The following ARHGAP24 variants were observed in gnomAD, a reference collection of about 807,000 sequenced individuals.
ARHGAP24 encodes the protein Rho GTPase activating protein 24.
A neutral mutation model predicts 76.4 loss-of-function variants in ARHGAP24; 50 were observed. The ratio of observed to expected loss-of-function variants is 0.65; its 90% confidence interval spans 0.52 to 0.83. The LOEUF is 0.83. Among genes scored for constraint, ARHGAP24 ranks in the 40% least tolerant of loss-of-function variants. The pLI is 0.00. For synonymous variants in ARHGAP24, 345 were observed against 323.3 expected, an observed-to-expected ratio of 1.07 and a Z score of -0.72; for missense variants, 930 against 914.2, an observed-to-expected ratio of 1.02 and a Z score of -0.22.
intron 2 of ARHGAP24, among the ~76,000 whole-genome samples, chr4:85,663,125 C>T (rs1470479355): frequency 4.0e-5 from 6 of 151,562 alleles, no homozygotes; most frequent in South Asian, 2.1e-4. Flanking sequence ...GCCATTTTCA[C>T]GATATTGATT....
chr4:85,723,834 A>G (rs1481452179), intron 3 of ARHGAP24: 1 of 152,190 alleles, frequency 6.6e-6, no homozygotes, highest in Admixed American at 6.5e-5. Context: ...TGACATCAGG[A>G]TGGCATTTCT....
At chr4:85,626,166 T>C (rs1386683554) in intron 2 of ARHGAP24, among the ~76,000 whole-genome samples, 5 of 152,198 alleles carry the variant, frequency 3.3e-5, no homozygotes, top group African/African-American at 9.6e-5. Flanking sequence ...TTCCTAGCCT[T>C]GATGGTCTTT....
At chr4:85,895,988 G>A (rs1458106398) in intron 3 of ARHGAP24, among the ~76,000 whole-genome samples, 2 of 152,112 alleles carry the variant, frequency 1.3e-5, no homozygotes, top group Admixed American at 6.5e-5. Context: ...ATGGTAGAGG[G>A]TACTTCGCCA....
chr4:85,635,151 GTTC>G (rs1414748502), intron 2 of ARHGAP24, among the ~76,000 whole-genome samples: 2 of 151,804 alleles, frequency 1.3e-5, no homozygotes, highest in Non-Finnish European at 3.0e-5. Context: ...TAAATCACCA[GTTC>G]TTCTTCTCTT....
chr4:85,853,629 A>G (rs1044264566), intron 3 of ARHGAP24, among the ~76,000 whole-genome samples: 1 of 152,128 alleles, frequency 6.6e-6, no homozygotes, highest in African/African-American at 2.4e-5. Flanking sequence ...AATGAATAGT[A>G]TTAAAAGAAA....
intron 2 of ARHGAP24, among the ~76,000 whole-genome samples, chr4:85,650,256 G>C (rs1355011670): frequency 1.4e-5 from 2 of 144,392 alleles, no homozygotes; most frequent in African/African-American, 5.8e-5. Flanking sequence ...CAGGTCTTGG[G>C]CAAAACTTTA....
intron 1 of ARHGAP24, among the ~76,000 whole-genome samples, chr4:85,505,770 G>A (rs1442071836): frequency 6.6e-6 from 1 of 152,118 alleles, no homozygotes; most frequent in African/African-American, 2.4e-5. Context: ...TTCCATTGCA[G>A]GTGAGGAGCT....
At chr4:85,674,771 A>T (rs1290098041) in intron 2 of ARHGAP24, among the ~76,000 whole-genome samples, 3 of 152,234 alleles carry the variant, frequency 2.0e-5, no homozygotes, top group Non-Finnish European at 4.4e-5. Flanking sequence ...TAAACCTTGA[A>T]CTAATTATTC....
chr4:85,524,907 C>CAAAT (rs1430782732), intron 1 of ARHGAP24, among the ~76,000 whole-genome samples: 2 of 152,104 alleles, frequency 1.3e-5, no homozygotes, highest in African/African-American at 4.8e-5. Context: ...TAAAACCCAA[C>CAAAT]AAATGGGAGA....
chr4:85,923,823 A>T lies in ARHGAP24; in HGVS notation c.391+53A>T, dbSNP rs1735869583. ...ACAGAAAGGTAGACCAAACCTGTTC[A>T]TCCCTTTCCCCCAGCGAATGTTACT... On this transcript the variant is annotated intron_variant, in intron 4 of 9. Coordinates refer to ENST00000395184, the MANE Select transcript of ARHGAP24 (RefSeq NM_001025616.3). 3 of 1,612,608 alleles carry T rather than the reference A, an allele frequency of 1.9e-6. No homozygotes were observed. In the African/African-American group the frequency reaches 4.0e-5, roughly 21 times the overall value.
rs187142675 is a variant in ARHGAP24, at chr4:85,980,355, A to G, written c.928+2664A>G. The stretch of plus-strand genomic sequence containing the variant: ...AATTATAACTACAGGGTTTTTATTT[A>G]TTCCTTTCTCTTTACAGTTTTATTC... On this transcript the variant is annotated intron_variant, in intron 8 of 9. Transcript: ENST00000395184. 8.5e-5 allele frequency among the ~76,000 whole-genome samples: 13 copies of G among 152,324 alleles called. No homozygotes were observed. The East Asian group carries it at 2.5e-3, about 29-fold the overall frequency.
intron 3 of ARHGAP24, among the ~76,000 whole-genome samples, chr4:85,900,571 C>G (rs528572153): frequency 5.3e-5 from 8 of 151,810 alleles, no homozygotes; most frequent in Admixed American, 4.6e-4. Context: ...ATTACAGGCA[C>G]GTGCCACCAT....
Position 85,668,594 on chromosome 4 carries a change from T to C in ARHGAP24, c.181-53291T>C, listed in dbSNP as rs145802955. On this transcript the variant is annotated intron_variant, in intron 2 of 9. Transcript: ENST00000395184. ...TTTACTCTGGAATCAAAAGATGAGA[T>C]GGAGTTAGGCAAAGAGGGAGAGAAG... Among the ~76,000 whole-genome samples the C allele has an allele frequency of 1.5e-3, 225 of 152,264 alleles. 1 individual carries two copies. Among genetic ancestry groups the C allele is most frequent in the African/African-American group, 5.0e-3 (206 of 41,560 alleles).
At chr4:85,561,089 T>C (rs946272855) in intron 1 of ARHGAP24, among the ~76,000 whole-genome samples, 5 of 152,324 alleles carry the variant, frequency 3.3e-5, no homozygotes, top group South Asian at 2.1e-4. Context: ...AGGGAGTCTA[T>C]TGTGGTGTAG....
intron 3 of ARHGAP24, among the ~76,000 whole-genome samples, chr4:85,851,365 T>C (rs1006512514): frequency 6.6e-6 from 1 of 152,228 alleles, no homozygotes; most frequent in Non-Finnish European, 1.5e-5. Flanking sequence ...ATGGGTCTCC[T>C]GAATACAGCA....
intron 3 of ARHGAP24, among the ~76,000 whole-genome samples, chr4:85,828,252 A>G (rs1187275901): frequency 7.9e-5 from 12 of 152,218 alleles, no homozygotes; most frequent in Admixed American, 7.9e-4. Flanking sequence ...CTGCTGCCAC[A>G]TGATGTATCT....
At chr4:85,886,019 C>A (rs1206177232) in intron 3 of ARHGAP24, among the ~76,000 whole-genome samples, 1 of 152,080 alleles carries the variant, frequency 6.6e-6, no homozygotes, top group Non-Finnish European at 1.5e-5. Flanking sequence ...CACAACATTG[C>A]TATTCTAATG....
chr4:85,522,441 G>C (rs1474164314), intron 1 of ARHGAP24, among the ~76,000 whole-genome samples: 1 of 152,140 alleles, frequency 6.6e-6, no homozygotes. Context: ...ACAATGACTG[G>C]TGTTGGTAGT....
Position 85,907,607 on chromosome 4 carries a change from A to ATG in ARHGAP24, c.269-16033_269-16032dup, listed in dbSNP as rs1275794817. Among the ~76,000 whole-genome samples the ATG allele has an allele frequency of 2.5e-4, 33 of 134,288 alleles. No homozygotes were observed. The East Asian group carries it at 3.6e-3, about 15-fold the overall frequency. 88.1% of individuals were successfully genotyped at this position (134,288 alleles called of 152,430 possible). On this transcript the variant is annotated intron_variant, in intron 3 of 9. Transcript: ENST00000395184. ...TGTGTACATATGTGCTTGTCTGCATATGTGTGTGTATGTGTGTCTAAGTAT... is the reference window on the plus strand; with the variant it reads ...TGTGTACATATGTGCTTGTCTGCATATGTGTGTGTGTATGTGTGTCTAAGTAT...
Sources: gnomAD v4.1 joint callset for allele counts (sites outside exome capture counted in the v4.1 genomes callset) on GRCh38, gnomAD v4.1.1 for gene constraint, MANE v1.5 for transcripts, NCBI Gene and HGNC (gene_info 2026-07-23, HGNC 2026-07-21) for gene names.